The following FAN1 variants were observed in gnomAD, a reference collection of about 807,000 sequenced individuals.
FAN1 encodes FANCD2 and FANCI associated nuclease 1.
Under a neutral mutation model 104.9 loss-of-function variants are expected in FAN1, and 91 were observed. The observed-to-expected ratio is 0.87, with a 90% CI of 0.73 to 1.03. The LOEUF is 1.03. Ranked by LOEUF, FAN1 falls within the 50% of genes least tolerant of loss-of-function variation. FAN1 has a pLI of 0.00. For missense variants in FAN1, 1,263 were observed against 1,239.9 expected, an observed-to-expected ratio of 1.02 and a Z score of -0.28; for synonymous variants, 478 against 457.6, an observed-to-expected ratio of 1.04 and a Z score of -0.57.
At chr15:30,927,136 G>C (rs2062482956) in intron 10 of FAN1, 1 of 914,414 alleles carries the variant, frequency 1.1e-6, no homozygotes, top group Admixed American at 6.2e-5. Flanking sequence ...TTGACCCCAG[G>C]AGGTCAAGGC....
At chr15:30,924,660 A>G (rs72710407) in intron 8 of FAN1, among the ~76,000 whole-genome samples, 1,666 of 152,244 alleles carry the variant, frequency 0.011, 18 homozygotes, top group Non-Finnish European at 0.018. Flanking sequence ...AAGCAGCTCC[A>G]TGGTTCTTGA....
Position 30,928,888 on chromosome 15 carries a change from C to T in FAN1, c.2592+232C>T, listed in dbSNP as rs1467087723. ...GCCTCCACCTTACATTTAGACCTTT[C>T]GTATAAAGTACCATCAGCATCAGCC... On this transcript the variant is annotated intron_variant, in intron 11 of 14. Coordinates refer to ENST00000362065, the MANE Select transcript of FAN1 (RefSeq NM_014967.5). 9 of 697,200 alleles carry T rather than the reference C, an allele frequency of 1.3e-5. No homozygotes were observed. The African/African-American group carries it at 1.4e-4, about 11-fold the overall frequency. 43.2% of individuals were successfully genotyped at this position (697,200 alleles called of 1,614,324 possible). A position where few individuals can be genotyped will look rare whatever the true frequency, so the allele number is the denominator to read the frequency against.
At chr15:30,937,320 G>GT (rs1490773972) in intron 14 of FAN1, 61 bp downstream of exon 14, 3 of 1,492,428 alleles carry the variant, frequency 2.0e-6, no homozygotes, top group Non-Finnish European at 2.7e-6. Flanking sequence ...TATAAAACAT[G>GT]TTTTATTTAA....
Position 30,942,735 on chromosome 15 carries a change from T to TAC in FAN1, c.*1175_*1176dup. On this transcript the variant is annotated 3_prime_UTR_variant, in exon 15 of 15. Transcript: ENST00000362065. ...TCAGACACCAGGAAGAAAGCTGGGA[T>TAC]ACAGTCATTTGAGTTAAAAAGGGAA... is the stretch of plus-strand genomic sequence containing the variant. The TAC allele has an allele frequency of 1.4e-6, 1 of 739,836 alleles. No homozygotes were observed. The allele number at this position is 739,836 out of a possible 1,614,324, so 45.8% of individuals were successfully genotyped here.
In FAN1 at chr15:30,910,932, G is replaced by C. The variant is rs2062086961; in HGVS notation, c.1577+117G>C. ...TGTTTATTTCAGTTGTAGTTAGATT[G>C]AGAAGGCTGGAAAAGCCTTAATTGC... On this transcript the variant is annotated intron_variant, in intron 4 of 14. Transcript: ENST00000362065. 4.3e-6 allele frequency: 6 copies of C among 1,396,330 alleles called. No individual in the cohort carries two copies. In the East Asian group the frequency reaches 1.6e-4, roughly 37 times the overall value. The allele number at this position is 1,396,330 out of a possible 1,614,324, so 86.5% of individuals were successfully genotyped here.
Position 30,918,303 on chromosome 15 carries a change from T to A in FAN1, c.1943+8T>A. On this transcript the variant is annotated splice_region_variant and intron_variant, in intron 6 of 14. Coordinates refer to ENST00000362065, the MANE Select transcript of FAN1 (RefSeq NM_014967.5). Reference sequence around the variant, plus strand: ...AAACCACCCTTCTCTGAGGTGAGAGTTTTTCTAGGTACCTGCCAAAATTTA... The same window carrying A: ...AAACCACCCTTCTCTGAGGTGAGAGATTTTCTAGGTACCTGCCAAAATTTA... The A allele has an allele frequency of 6.2e-7, 1 of 1,613,412 alleles. No individual in the cohort carries two copies. Among genetic ancestry groups the A allele is most frequent in the Non-Finnish European group, 8.5e-7 (1 of 1,179,790 alleles).
intron 2 of FAN1, among the ~76,000 whole-genome samples, chr15:30,907,838 A>G (rs999884462): frequency 6.6e-6 from 1 of 152,232 alleles, no homozygotes; most frequent in African/African-American, 2.4e-5. Context: ...AATGCATATT[A>G]AGCTAAGAGC....
At chr15:30,924,142 T>G (rs974041590) in intron 8 of FAN1, among the ~76,000 whole-genome samples, 7 of 152,252 alleles carry the variant, frequency 4.6e-5, no homozygotes, top group African/African-American at 1.7e-4. Context: ...GCATCATGTT[T>G]CTGAGCTTCA....
At chr15:30,929,981 TATATA>T in intron 12 of FAN1, among the ~76,000 whole-genome samples, 1 of 127,126 alleles carries the variant, frequency 7.9e-6, no homozygotes, top group South Asian at 2.2e-4. Flanking sequence ...AAATATATAA[TATATA>T]AGATATCATA....
Position 30,905,496 on chromosome 15 carries a change from C to G in FAN1, c.833C>G (p.Thr278Ser), listed in dbSNP as rs756991461. The change falls in exon 2 of 15, where the codon ACT (threonine) becomes AGT (serine). Residue 278 changes from threonine (T) to serine (S), a missense_variant. Around this residue, in one of 2 missense-constraint regions of FAN1, gnomAD observed 682 missense variants for 571.1 expected, o/e 1.19. Coordinates refer to ENST00000362065, the MANE Select transcript of FAN1 (RefSeq NM_014967.5). ...DFTLRNTLKS[T>S]SEDSLVKQEC... ...ACTCTTAGGAATACATTAAAGTCTA[C>G]TTCAGAAGACAGTCTTGTAAAGCAA... 16 of 1,614,082 alleles carry G rather than the reference C, an allele frequency of 9.9e-6. No homozygotes were observed. The highest frequency in any genetic ancestry group is 1.4e-5 in the Non-Finnish European group (16 of 1,179,970).
intron 14 of FAN1, chr15:30,938,895 TATCA>T (rs891389326): frequency 1.0e-6 from 1 of 984,092 alleles, no homozygotes; most frequent in South Asian, 4.7e-5. Context: ...TCACCTCTTC[TATCA>T]ATCACTGTGT....
rs2062089891 is a variant in FAN1, at chr15:30,911,029, A to G, written c.1577+214A>G. ...AATACCGTACTAATTTCCAGGACCA[A>G]GAAAAATCGGAAGGCAATAGGCCTT... On this transcript the variant is annotated intron_variant, in intron 4 of 14. Transcript: ENST00000362065. 5 of 1,261,692 alleles carry G rather than the reference A, an allele frequency of 4.0e-6. No homozygotes were observed. The African/African-American group carries it at 6.1e-5, about 15-fold the overall frequency. 78.2% of individuals were successfully genotyped at this position (1,261,692 alleles called of 1,614,324 possible). A position where few individuals can be genotyped will look rare whatever the true frequency, so the allele number is the denominator to read the frequency against.
At chr15:30,937,839 A>C (rs886289156) in intron 14 of FAN1, among the ~76,000 whole-genome samples, 5 of 151,734 alleles carry the variant, frequency 3.3e-5, no homozygotes. Context: ...ATGTGCAAAA[A>C]GCTGGAAAAC....
At chr15:30,941,452 T>C (rs1269887986) in intron 14 of FAN1, 114 bp from the exon 15 acceptor site, 5 of 1,584,504 alleles carry the variant, frequency 3.2e-6, no homozygotes, top group Non-Finnish European at 4.3e-6. Context: ...CCTCAAAATG[T>C]TCAGAAAACA....
chr15:30,940,963 C>A (rs1419139803), intron 14 of FAN1: 5 of 1,094,578 alleles, frequency 4.6e-6, no homozygotes, highest in Non-Finnish European at 4.5e-6. Context: ...GATCTAAAAT[C>A]ATAAATTCTG....
intron 14 of FAN1, chr15:30,939,133 T>C: frequency 1.0e-6 from 1 of 985,418 alleles, no homozygotes; most frequent in Non-Finnish European, 1.2e-6. Context: ...GCAGATTTTG[T>C]TGACAAATGT....
Position 30,904,738 on chromosome 15 carries a change from AG to A in FAN1, c.76del (p.Ala26HisfsTer31), listed in dbSNP as rs2061932936. The A allele has an allele frequency of 1.9e-6, 3 of 1,611,448 alleles. No homozygotes were observed. The highest frequency in any genetic ancestry group is 2.5e-6 in the Non-Finnish European group (3 of 1,178,194). On this transcript the variant is annotated frameshift_variant, in exon 2 of 15. Transcript: ENST00000362065. LOFTEE classifies it high-confidence loss of function. ...TATCAATCAGCAAGAATAAGAAAAA[AG>A]CATCTAATTCTATTATTTCGTGTTT... ...SLSISKNKKK[A>X]SNSIISCFNN...
rs941472741 is a variant in FAN1, at chr15:30,918,386, C to T, written c.1943+91C>T. Reference sequence around the variant, plus strand: ...TAATTTTCTTCATGAAGAATATACTCCTTTTTCTCTGTGGTTAAACCAGCT... The same window carrying T: ...TAATTTTCTTCATGAAGAATATACTTCTTTTTCTCTGTGGTTAAACCAGCT... On this transcript the variant is annotated intron_variant, in intron 6 of 14. Coordinates refer to ENST00000362065, the MANE Select transcript of FAN1 (RefSeq NM_014967.5). 3.0e-6 allele frequency: 4 copies of T among 1,313,414 alleles called. No homozygotes were observed. In the African/African-American group the frequency reaches 4.4e-5, roughly 14 times the overall value. 81.4% of individuals were successfully genotyped at this position (1,313,414 alleles called of 1,614,324 possible). A position where few individuals can be genotyped will look rare whatever the true frequency, so the allele number is the denominator to read the frequency against.
chr15:30,938,938 A>G (rs2062947135), intron 14 of FAN1: 1 of 985,428 alleles, frequency 1.0e-6, no homozygotes, highest in Non-Finnish European at 1.2e-6. Context: ...ACTGACAACA[A>G]CAAACAGTCG....
Sources: allele counts gnomAD v4.1 joint callset (sites outside exome capture counted in the v4.1 genomes callset), GRCh38; gene constraint gnomAD v4.1.1; regional missense constraint gnomAD v4.1.1; transcripts MANE v1.5; gene names NCBI Gene and HGNC (gene_info 2026-07-23, HGNC 2026-07-21).